Variants in RGP1 observed in about 807,000 individuals in gnomAD.
RGP1 encodes RGP1 partner of RAB6A GEF complex.
In RGP1, 28 loss-of-function variants were observed where a neutral mutation model predicts 44.5. The ratio of observed to expected loss-of-function variants is 0.63; its 90% CI spans 0.47 to 0.86. The LOEUF is 0.86. Among genes scored for constraint, RGP1 ranks in the 40% least tolerant of loss-of-function variants. RGP1 has a pLI of 0.00. For synonymous variants in RGP1, 212 were observed against 196.7 expected (o/e 1.08, Z -0.65); for missense variants, 417 against 490.7 (o/e 0.85, Z 1.42).
the RGP1 span, among the ~76,000 whole-genome samples, chr9:35,776,710 T>G: frequency 6.6e-6 from 1 of 152,066 alleles, no homozygotes; most frequent in African/African-American, 2.4e-5. Context: ...AGATTTGCTT[T>G]GTGGGCCAGG....
Position 35,752,199 on chromosome 9 carries a change from CTA to C in RGP1, c.952+55_952+56del. ...GAGAGGGGGACAGTAAAATGCTGTG[CTA>C]AGGGAGGGTGTAATGGATCCTGATT... On this transcript the variant is annotated intron_variant, in intron 8 of 8. Coordinates refer to ENST00000378078, the MANE Select transcript of RGP1 (RefSeq NM_001080496.3). The C allele has an allele frequency of 2.0e-6, 3 of 1,468,774 alleles. No homozygotes were observed. In the South Asian group the frequency reaches 4.2e-5, roughly 20 times the overall value. The allele number at this position is 1,468,774 out of a possible 1,614,324, so 91.0% of individuals were successfully genotyped here.
At chr9:35,776,570 A>T in the RGP1 span, among the ~76,000 whole-genome samples, 4 of 152,018 alleles carry the variant, frequency 2.6e-5, no homozygotes, top group Non-Finnish European at 2.9e-5. Flanking sequence ...TACAGGCATG[A>T]GCAACCGCAT....
rs1827308326 is a variant in RGP1, at chr9:35,753,548, TC to T, written c.*675del. On this transcript the variant is annotated 3_prime_UTR_variant, in exon 9 of 9. Coordinates refer to ENST00000378078, the MANE Select transcript of RGP1 (RefSeq NM_001080496.3). This position sits in a 1 kb window ranked among gnomAD's most constrained non-coding sequence, Gnocchi z 4.2. ...TGTTGGTCCCTTCAGGTTTGGCCCATCTTGTATTGCTCTTCTGTTCATTCTT... is the reference window on the plus strand; with the variant it reads ...TGTTGGTCCCTTCAGGTTTGGCCCATTTGTATTGCTCTTCTGTTCATTCTT... The T allele has an allele frequency of 1.0e-6, 1 of 966,470 alleles. No homozygotes were observed. Among genetic ancestry groups the T allele is most frequent in the South Asian group, 1.6e-5 (1 of 63,458 alleles). 59.9% of individuals were successfully genotyped at this position (966,470 alleles called of 1,614,324 possible).
chr9:35,785,116 G>A, the RGP1 span, among the ~76,000 whole-genome samples: 5 of 152,152 alleles, frequency 3.3e-5, no homozygotes, highest in African/African-American at 1.2e-4. Flanking sequence ...TTGGCTTGGG[G>A]TAGGGACATG....
the RGP1 span, among the ~76,000 whole-genome samples, chr9:35,768,788 C>T: frequency 6.6e-6 from 1 of 152,290 alleles, no homozygotes; most frequent in African/African-American, 2.4e-5. Context: ...TATCCAGATC[C>T]ATCTCAGGTA....
intron 2 of RGP1, 132 bp from the exon 3 acceptor site, chr9:35,750,111 T>G: frequency 7.6e-7 from 1 of 1,323,158 alleles, no homozygotes. Context: ...GGTTTCTCTT[T>G]GGGATTGTGG....
Position 35,753,382 on chromosome 9 carries a change from T to TGAAAGGGG in RGP1, c.*508_*509insGAAAGGGG. On this transcript the variant is annotated 3_prime_UTR_variant, in exon 9 of 9. Transcript: ENST00000378078. This position sits in a 1 kb window ranked among gnomAD's most constrained non-coding sequence, Gnocchi z 4.2. ...CACAGTTTTCCCCCCACAGAGCCCC[T>TGAAAGGGG]TTCAGTGGCCCCTTGGTCCTCCTAA... is the stretch of plus-strand genomic sequence containing the variant. 7.6e-7 allele frequency: 1 copy of TGAAAGGGG among 1,316,490 alleles called. No homozygotes were observed. The highest frequency in any genetic ancestry group is 1.0e-6 in the Non-Finnish European group (1 of 960,394). 81.6% of individuals were successfully genotyped at this position (1,316,490 alleles called of 1,614,324 possible). A position where few individuals can be genotyped will look rare whatever the true frequency, so the allele number is the denominator to read the frequency against.
the RGP1 span, among the ~76,000 whole-genome samples, chr9:35,775,575 G>C: frequency 6.6e-6 from 1 of 151,916 alleles, no homozygotes; most frequent in Non-Finnish European, 1.5e-5. Flanking sequence ...GGGAAGGAGC[G>C]CCACCATTTA....
the RGP1 span, among the ~76,000 whole-genome samples, chr9:35,776,027 G>A: frequency 6.6e-6 from 1 of 152,198 alleles, no homozygotes; most frequent in Non-Finnish European, 1.5e-5. Flanking sequence ...GAAAAAAACA[G>A]TAATGCTCTT....
Position 35,753,216 on chromosome 9 carries a change from ACTGGCAGGTTC to A in RGP1, c.*346_*356del. The A allele has an allele frequency of 6.2e-7, 1 of 1,614,188 alleles. No homozygotes were observed. Among genetic ancestry groups the A allele is most frequent in the South Asian group, 1.1e-5 (1 of 91,088 alleles). On this transcript the variant is annotated 3_prime_UTR_variant, in exon 9 of 9. Transcript: ENST00000378078. The surrounding 1 kb of genome is among the most constrained non-coding windows in gnomAD (Gnocchi z 4.2). Reference sequence around the variant, plus strand: ...GGGTCAGATTTTTGCACCAAGGAGAACTGGCAGGTTCCTGCCTCCTGACGTACCTCACACCC... The same window carrying A: ...GGGTCAGATTTTTGCACCAAGGAGAACTGCCTCCTGACGTACCTCACACCC...
At chr9:35,767,784 GA>G in the RGP1 span, among the ~76,000 whole-genome samples, 1 of 152,076 alleles carries the variant, frequency 6.6e-6, no homozygotes, top group African/African-American at 2.4e-5. Context: ...TAGATAATAG[GA>G]AAAGAAATGT....
chr9:35,782,290 T>C, the RGP1 span, among the ~76,000 whole-genome samples: 1 of 152,212 alleles, frequency 6.6e-6, no homozygotes, highest in Non-Finnish European at 1.5e-5. Flanking sequence ...AAGGAAGATT[T>C]AGGTTTGGTA....
At chr9:35,769,079 T>C in the RGP1 span, among the ~76,000 whole-genome samples, 1 of 152,190 alleles carries the variant, frequency 6.6e-6, no homozygotes, top group Non-Finnish European at 1.5e-5. Context: ...TTGGGCCCAT[T>C]TGAGATAAGT....
At chr9:35,776,572 C>G in the RGP1 span, among the ~76,000 whole-genome samples, 1 of 152,094 alleles carries the variant, frequency 6.6e-6, no homozygotes, top group Non-Finnish European at 1.5e-5. Flanking sequence ...CAGGCATGAG[C>G]AACCGCATCT....
the RGP1 span, among the ~76,000 whole-genome samples, chr9:35,788,282 T>G: frequency 6.6e-6 from 1 of 152,064 alleles, no homozygotes; most frequent in Non-Finnish European, 1.5e-5. Flanking sequence ...AAATAAGGTG[T>G]TTGGGGCCGG....
chr9:35,751,385 A>G lies in RGP1; in HGVS notation c.607A>G (p.Met203Val), dbSNP rs771356976. The change falls in exon 6 of 9, where the codon ATG (methionine) becomes GTG (valine). Residue 203 changes from methionine (M) to valine (V), a missense_variant. Transcript: ENST00000378078. Reference sequence around the variant, plus strand: ...AGCTGAGCTGGCTGGGGAACGCCTAATGGCTGCCACATCCTGCCGCAGCCT... The same window carrying G: ...AGCTGAGCTGGCTGGGGAACGCCTAGTGGCTGCCACATCCTGCCGCAGCCT... ...WLAELAGERL[M>V]AATSCRSLHL... 1.2e-6 allele frequency: 2 copies of G among 1,613,930 alleles called. No individual in the cohort carries two copies. Among genetic ancestry groups the G allele is most frequent in the Non-Finnish European group, 1.7e-6 (2 of 1,179,866 alleles).
In RGP1 at chr9:35,755,073, A is replaced by C. The variant is rs571469882; in HGVS notation, c.*2199A>C. 9.2e-5 allele frequency: 14 copies of C among 152,334 alleles called. No homozygotes were observed. The highest frequency in any genetic ancestry group is 1.8e-4 in the Non-Finnish European group (12 of 68,042). 9.4% of individuals were successfully genotyped at this position (152,334 alleles called of 1,614,324 possible). ...CCTCTGAGTTTCCCACAGGTTCTGGAGGAGCCCAGGATGGATTATTGAGAG... is the reference window on the plus strand; with the variant it reads ...CCTCTGAGTTTCCCACAGGTTCTGGCGGAGCCCAGGATGGATTATTGAGAG... On this transcript the variant is annotated 3_prime_UTR_variant, in exon 9 of 9. Coordinates refer to ENST00000378078, the MANE Select transcript of RGP1 (RefSeq NM_001080496.3).
At chr9:35,763,069 C>G (rs2132044129), downstream of RGP1, among the ~76,000 whole-genome samples, 1 of 152,324 alleles carries the variant, frequency 6.6e-6, no homozygotes, top group Non-Finnish European at 1.5e-5. Flanking sequence ...AAGCTTCTCT[C>G]CATTCTACTG....
Position 35,750,887 on chromosome 9 carries a change from GGTCA to G in RGP1, c.394_397del (p.Val132SerfsTer6), listed in dbSNP as rs756761532. 24 of 1,613,856 alleles carry G rather than the reference GGTCA, an allele frequency of 1.5e-5. No individual in the cohort carries two copies. Among genetic ancestry groups the G allele is most frequent in the Non-Finnish European group, 1.9e-5 (23 of 1,179,896 alleles). On this transcript the variant is annotated frameshift_variant, in exon 5 of 9. Transcript: ENST00000378078. LOFTEE classifies it high-confidence loss of function. ...CATAGAGGGACCACCCTCCTTTCGG[GGTCA>G]GTCAGTCAAGTACGTCTACAAACTG...
Sources: gnomAD v4.1 joint callset for allele counts (sites outside exome capture counted in the v4.1 genomes callset) on GRCh38, gnomAD v4.1.1 for gene constraint, Gnocchi (gnomAD v3.1) non-coding constraint, MANE v1.5 for transcripts, NCBI Gene and HGNC (gene_info 2026-07-23, HGNC 2026-07-21) for gene names.